Variants in PRR5L observed in about 807,000 individuals in gnomAD.
The protein encoded by PRR5L is proline rich 5 like.
A neutral mutation model predicts 36.4 loss-of-function variants in PRR5L; 21 were observed. The observed-to-expected ratio is 0.58, with a 90% CI of 0.41 to 0.83. The LOEUF (loss-of-function observed/expected upper bound fraction) is 0.83, where lower values mean the gene tolerates loss of function less well. Among genes scored for constraint, PRR5L ranks in the 40% least tolerant of loss-of-function variants. The pLI, the probability that PRR5L is intolerant of heterozygous loss-of-function variation, is 0.00. For missense variants in PRR5L, 381 were observed against 473.3 expected, an observed-to-expected ratio of 0.80 and a Z score of 1.81; for synonymous variants, 188 against 197.0, an observed-to-expected ratio of 0.95 and a Z score of 0.38.
chr11:36,359,497 G>A lies in PRR5L; in HGVS notation c.-125-41500G>A, dbSNP rs114541814. ...ATATTAATTATCATTTTATTCTGGTGTTTTGTTCTTTAGGAAGACACAAAT... is the reference window on the plus strand; with the variant it reads ...ATATTAATTATCATTTTATTCTGGTATTTTGTTCTTTAGGAAGACACAAAT... On this transcript the variant is annotated intron_variant, in intron 1 of 8. Coordinates refer to ENST00000530639, the MANE Select transcript of PRR5L (RefSeq NM_001160167.2). Among the ~76,000 whole-genome samples, 435 of 152,254 alleles carry A rather than the reference G, an allele frequency of 2.9e-3. 5 individuals carry two copies. The highest frequency in any genetic ancestry group is 0.01 in the African/African-American group (417 of 41,540).
chr11:36,401,025 A>C lies in PRR5L; in HGVS notation c.-97A>C. The C allele has an allele frequency of 1.3e-6, 2 of 1,508,526 alleles. No individual in the cohort carries two copies. Among genetic ancestry groups the C allele is most frequent in the South Asian group, 2.7e-5 (2 of 74,316 alleles). 93.4% of individuals were successfully genotyped at this position (1,508,526 alleles called of 1,614,324 possible). Reference sequence around the variant, plus strand: ...TTGGCTACGTTTGTGGTTTTAAGAAAGCCTGAGGGCCTGAAGGCAGCCCCT... The same window carrying C: ...TTGGCTACGTTTGTGGTTTTAAGAACGCCTGAGGGCCTGAAGGCAGCCCCT... On this transcript the variant is annotated 5_prime_UTR_variant, in exon 2 of 9. Transcript: ENST00000530639.
At chr11:36,349,279 CA>C (rs56844732) in intron 1 of PRR5L, among the ~76,000 whole-genome samples, 131 of 106,532 alleles carry the variant, frequency 1.2e-3, no homozygotes, top group African/African-American at 3.1e-3. Flanking sequence ...AAGACTCTGC[CA>C]AAAAAAAAAA....
At position 36,296,371 on chromosome 11, in the gene PRR5L, G is replaced by A. The variant is rs1856311328; in HGVS notation, c.-193G>A. On this transcript the variant is annotated 5_prime_UTR_variant, in exon 1 of 9. Coordinates refer to ENST00000530639, the MANE Select transcript of PRR5L (RefSeq NM_001160167.2). Reference sequence around the variant, plus strand: ...TGGAACATCCCCTTCTCGGGAGGCTGGAAGGCCATGGTCATTCACCTCTCC... The same window carrying A: ...TGGAACATCCCCTTCTCGGGAGGCTAGAAGGCCATGGTCATTCACCTCTCC... The A allele has an allele frequency of 6.6e-6, 1 of 152,180 alleles. No homozygotes were observed. The highest frequency in any genetic ancestry group is 2.4e-5 in the African/African-American group (1 of 41,420). 9.4% of individuals were successfully genotyped at this position (152,180 alleles called of 1,614,324 possible). A position where few individuals can be genotyped will look rare whatever the true frequency, so the allele number is the denominator to read the frequency against.
intron 1 of PRR5L, 32 bp from the exon 2 acceptor site, chr11:36,400,965 A>G (rs2133557274): frequency 4.9e-6 from 7 of 1,420,574 alleles, no homozygotes; most frequent in Non-Finnish European, 6.4e-6. Context: ...TCAGGCCAGG[A>G]GTTCTCAATA....
chr11:36,350,934 A>C (rs1419764623), intron 1 of PRR5L, among the ~76,000 whole-genome samples: 2 of 32,880 alleles, frequency 6.1e-5, no homozygotes, highest in Non-Finnish European at 1.0e-4. Flanking sequence ...ATATATTTAT[A>C]TATTTATATA....
intron 8 of PRR5L, among the ~76,000 whole-genome samples, chr11:36,458,497 A>T (rs1003173596): frequency 1.3e-4 from 20 of 152,280 alleles, no homozygotes; most frequent in Non-Finnish European, 2.6e-4. Context: ...ACCACCAAAT[A>T]GGCCCCTTGG....
chr11:36,348,867 G>A (rs932153843), intron 1 of PRR5L, among the ~76,000 whole-genome samples: 1 of 152,130 alleles, frequency 6.6e-6, no homozygotes, highest in African/African-American at 2.4e-5. Context: ...GCTAGCCCGT[G>A]ACCACTCACG....
intron 1 of PRR5L, among the ~76,000 whole-genome samples, chr11:36,300,292 A>AG (rs1408790230): frequency 6.6e-6 from 1 of 152,046 alleles, no homozygotes; most frequent in Non-Finnish European, 1.5e-5. Context: ...GCAGAAGGTG[A>AG]GGGGGGAGCA....
intron 1 of PRR5L, among the ~76,000 whole-genome samples, chr11:36,364,703 C>T (rs1857126649): frequency 6.6e-6 from 1 of 152,156 alleles, no homozygotes; most frequent in Non-Finnish European, 1.5e-5. Context: ...CAAGTGTAGC[C>T]AGGACCTCAA....
intron 1 of PRR5L, among the ~76,000 whole-genome samples, chr11:36,307,452 G>T (rs1042215002): frequency 6.6e-6 from 1 of 152,188 alleles, no homozygotes; most frequent in Non-Finnish European, 1.5e-5. Flanking sequence ...TTCAGGGGAG[G>T]TTGATTCAGC....
chr11:36,350,974 ATATATTTATATATT>A (rs1856929592), intron 1 of PRR5L, among the ~76,000 whole-genome samples: 3 of 78,958 alleles, frequency 3.8e-5, no homozygotes, highest in Admixed American at 3.3e-4. Context: ...ATATATTTAT[ATATATTTATATATT>A]TATATATTTA....
chr11:36,383,476 C>T (rs1251055320), intron 1 of PRR5L, among the ~76,000 whole-genome samples: 1 of 152,138 alleles, frequency 6.6e-6, no homozygotes, highest in African/African-American at 2.4e-5. Context: ...AAGAAGAAAA[C>T]AAGATGATTT....
At chr11:36,323,396 A>G (rs1289718657) in intron 1 of PRR5L, 1 of 152,236 alleles carries the variant, frequency 6.6e-6, no homozygotes, top group Admixed American at 6.5e-5. Context: ...AGGGTTGAGC[A>G]TCAACTTGGG....
Position 36,446,373 on chromosome 11 carries a change from G to A in PRR5L, c.518G>A (p.Gly173Asp), listed in dbSNP as rs754771099. The A allele has an allele frequency of 1.2e-6, 2 of 1,614,166 alleles. No homozygotes were observed. The highest frequency in any genetic ancestry group is 2.2e-5 in the South Asian group (2 of 91,078). Reference protein sequence around the residue: ...RDLVLLKVKLGDLLLLAQSKL... With the variant: ...RDLVLLKVKLDDLLLLAQSKL... ...CTAGTCTTGCTGAAGGTGAAGCTGG[G>A]TGACCTGCTGCTGCTGGCCCAGTCC... Residue 173 changes from glycine to aspartate, a missense_variant, in exon 7 of 9, where the codon GGT becomes GAT. Coordinates refer to ENST00000530639, the MANE Select transcript of PRR5L (RefSeq NM_001160167.2).
intron 1 of PRR5L, among the ~76,000 whole-genome samples, chr11:36,317,542 A>C (rs1440152168): frequency 1.3e-5 from 2 of 152,218 alleles, no homozygotes; most frequent in Non-Finnish European, 2.9e-5. Flanking sequence ...GCAACTCCCC[A>C]TAAGTTGAGT....
At chr11:36,343,027 A>T (rs1185484627) in intron 1 of PRR5L, among the ~76,000 whole-genome samples, 2 of 152,344 alleles carry the variant, frequency 1.3e-5, no homozygotes, top group East Asian at 3.9e-4. Flanking sequence ...ATGGTTTTGC[A>T]AAAGCGATTC....
chr11:36,431,071 T>C (rs1858483111), intron 4 of PRR5L, among the ~76,000 whole-genome samples: 2 of 152,124 alleles, frequency 1.3e-5, no homozygotes, highest in South Asian at 4.1e-4. Context: ...GCAGAAGTCT[T>C]AGGGGGCCAA....
intron 1 of PRR5L, among the ~76,000 whole-genome samples, chr11:36,356,463 TGTTTTATTCTGCTTCG>T (rs1280741675): frequency 6.6e-6 from 1 of 152,144 alleles, no homozygotes; most frequent in Non-Finnish European, 1.5e-5. Context: ...AGGCATACCT[TGTTTTATTCTGCTTCG>T]GTTTATTGCA....
intron 6 of PRR5L, among the ~76,000 whole-genome samples, chr11:36,442,990 T>A (rs1285759152): frequency 6.6e-6 from 1 of 152,210 alleles, no homozygotes; most frequent in African/African-American, 2.4e-5. Flanking sequence ...GGTATCTTCA[T>A]AGCAACATTC....
Sources: allele counts gnomAD v4.1 joint callset (sites outside exome capture counted in the v4.1 genomes callset), GRCh38; gene constraint gnomAD v4.1.1; transcripts MANE v1.5; gene names NCBI Gene and HGNC (gene_info 2026-07-23, HGNC 2026-07-21).